The following MRC1 variants were observed in gnomAD, a reference collection of about 807,000 sequenced individuals.
The protein encoded by MRC1 is macrophage mannose receptor 1.
In MRC1, 62 loss-of-function variants were observed where a neutral mutation model predicts 102.9. The observed-to-expected ratio is 0.60, with a 90% CI of 0.49 to 0.74. MRC1 has a LOEUF of 0.74. Ranked by LOEUF, MRC1 falls within the 30% of genes least tolerant of loss-of-function variation. The probability of loss-of-function intolerance (pLI) is 0.00; values close to 1 mark genes in which losing one functional copy is unlikely to be tolerated. For missense variants in MRC1, 1,237 were observed against 862.8 expected (o/e 1.43, Z -5.43); for synonymous variants, 457 against 298.4 (o/e 1.53, Z -5.48).
intron 3 of MRC1, among the ~76,000 whole-genome samples, 183 bp from the exon 4 acceptor site, chr10:17,833,492 G>A (rs1838611549): frequency 7.1e-6 from 1 of 140,696 alleles, no homozygotes; most frequent in East Asian, 2.1e-4. Context: ...CTGCACTCCA[G>A]CCTGGGCAAC....
At chr10:17,813,698 A>AT (rs1296905432) in intron 1 of MRC1, among the ~76,000 whole-genome samples, 22 of 104,458 alleles carry the variant, frequency 2.1e-4, no homozygotes, top group African/African-American at 4.1e-4. Flanking sequence ...ATATATATAT[A>AT]TATTTTTTTT....
intron 16 of MRC1, among the ~76,000 whole-genome samples, chr10:17,874,556 C>T (rs1274394923): frequency 5.3e-5 from 8 of 152,130 alleles, no homozygotes; most frequent in Admixed American, 3.3e-4. Context: ...AACTAGATAC[C>T]TTTGGGAGCT....
intron 12 of MRC1, among the ~76,000 whole-genome samples, chr10:17,868,579 C>T (rs1291495759): frequency 6.6e-6 from 1 of 152,168 alleles, no homozygotes; most frequent in Non-Finnish European, 1.5e-5. Flanking sequence ...TGTTACCTAC[C>T]TACTGCTTAA....
intron 4 of MRC1, among the ~76,000 whole-genome samples, chr10:17,839,864 G>C (rs1838723677): frequency 6.6e-6 from 1 of 151,340 alleles, no homozygotes; most frequent in Non-Finnish European, 1.5e-5. Flanking sequence ...TTTGAGACCA[G>C]CCTGGCCAAC....
intron 3 of MRC1, among the ~76,000 whole-genome samples, chr10:17,830,025 A>G (rs1589167587): frequency 1.3e-5 from 2 of 151,664 alleles, no homozygotes; most frequent in East Asian, 3.8e-4. Flanking sequence ...AATATGCATT[A>G]AAATTTTAAA....
At chr10:17,825,331 C>T (rs1838457257) in intron 2 of MRC1, among the ~76,000 whole-genome samples, 1 of 152,044 alleles carries the variant, frequency 6.6e-6, no homozygotes, top group Non-Finnish European at 1.5e-5. Context: ...AGTTCAGACT[C>T]CAAGAAGAAG....
intron 22 of MRC1, among the ~76,000 whole-genome samples, chr10:17,887,356 A>G (rs908562386): frequency 4.0e-4 from 61 of 152,180 alleles, no homozygotes; most frequent in African/African-American, 1.4e-3. Flanking sequence ...GCGCCACTGC[A>G]CTCCAGCCTG....
rs782616938 is a variant in MRC1 at position 17,827,372 on chromosome 10, C to CAAAAAAAAAAAAAAAAAAAAAAAA, written c.464-155_464-132dup. 6.2e-5 allele frequency among the ~76,000 whole-genome samples: 4 copies of CAAAAAAAAAAAAAAAAAAAAAAAA among 64,052 alleles called. 2 individuals are homozygous for CAAAAAAAAAAAAAAAAAAAAAAAA. The highest frequency in any genetic ancestry group is 1.3e-4 in the Non-Finnish European group (4 of 31,760). 42.0% of individuals were successfully genotyped at this position (64,052 alleles called of 152,430 possible). A position where few individuals can be genotyped will look rare whatever the true frequency, so the allele number is the denominator to read the frequency against. On this transcript the variant is annotated intron_variant, in intron 2 of 29. Coordinates refer to ENST00000569591, the MANE Select transcript of MRC1 (RefSeq NM_002438.4). ...TAGAAGGAGAAGGAAAAAAAATACC[C>CAAAAAAAAAAAAAAAAAAAAAAAA]AAAAAAAAAAAAAAAAAAAAAAAAA...
At position 17,909,233 on chromosome 10, in the gene MRC1, T is replaced by A. The variant is rs1428212694; in HGVS notation, c.4079-73T>A. The A allele has an allele frequency of 2.3e-5, 18 of 768,590 alleles. No individual in the cohort carries two copies. The East Asian group carries it at 4.4e-4, about 19-fold the overall frequency. The allele number at this position is 768,590 out of a possible 1,614,324, so 47.6% of individuals were successfully genotyped here. A position where few individuals can be genotyped will look rare whatever the true frequency, so the allele number is the denominator to read the frequency against. On this transcript the variant is annotated intron_variant, in intron 28 of 29. Transcript: ENST00000569591. Reference sequence around the variant, plus strand: ...AAATGTGGAGGATTCCATGTATTTGTGAGCCAAATAATATTTGCTATCTAC... The same window carrying A: ...AAATGTGGAGGATTCCATGTATTTGAGAGCCAAATAATATTTGCTATCTAC...
chr10:17,849,561 C>CT lies in MRC1; in HGVS notation c.1064-18_1064-17insT, dbSNP rs1838880444. ...AAATCTTTTAAAATTTTTTTCCGAC[C>CT]CCCCTTTTTGTTTCTAGAAAGTGAT... On this transcript the variant is annotated splice_polypyrimidine_tract_variant and intron_variant, in intron 6 of 29. Transcript: ENST00000569591. The CT allele has an allele frequency of 1.3e-6, 1 of 774,144 alleles. No individual in the cohort carries two copies. The highest frequency in any genetic ancestry group is 1.4e-5 in the South Asian group (1 of 72,716). 48.0% of individuals were successfully genotyped at this position (774,144 alleles called of 1,614,324 possible).
In MRC1 at chr10:17,875,206, C is replaced by G; in HGVS notation, c.2503C>G (p.Leu835Val). 2.6e-6 allele frequency: 2 copies of G among 780,800 alleles called. No homozygotes were observed. Among genetic ancestry groups the G allele is most frequent in the Non-Finnish European group, 4.8e-6 (2 of 417,936 alleles). The allele number at this position is 780,800 out of a possible 1,614,324, so 48.4% of individuals were successfully genotyped here. The change falls in exon 17 of 30, where the codon CTT becomes GTT. Residue 835 changes from leucine to valine, a missense_variant. Coordinates refer to ENST00000569591, the MANE Select transcript of MRC1 (RefSeq NM_002438.4). ...RAFCKRNFGD[L>V]VSIQSESEKK... ...GTTTTGCAAGAGGAATTTTGGTGATCTTGTTTCTATTCAAAGTGAAAGTGA... is the reference window on the plus strand; with the variant it reads ...GTTTTGCAAGAGGAATTTTGGTGATGTTGTTTCTATTCAAAGTGAAAGTGA...
chr10:17,828,223 C>T (rs1047170970), intron 3 of MRC1, among the ~76,000 whole-genome samples: 3 of 152,086 alleles, frequency 2.0e-5, no homozygotes, highest in Non-Finnish European at 2.9e-5. Context: ...ACTACAGGCG[C>T]CCGCCACCAC....
chr10:17,905,046 T>C (rs1305992767), intron 26 of MRC1, among the ~76,000 whole-genome samples: 7 of 152,158 alleles, frequency 4.6e-5, no homozygotes, highest in Non-Finnish European at 1.0e-4. Flanking sequence ...CTGAATCAGG[T>C]CAAATAAAGA....
intron 23 of MRC1, 111 bp from the exon 24 acceptor site, chr10:17,897,923 G>A: frequency 2.6e-6 from 2 of 766,202 alleles, no homozygotes; most frequent in Non-Finnish European, 4.9e-6. Context: ...TGAATGTTTG[G>A]AGTTATGCTA....
chr10:17,894,355 T>A, intron 23 of MRC1, 43 bp downstream of exon 23: 1 of 849,226 alleles, frequency 1.2e-6, no homozygotes, highest in Non-Finnish European at 2.1e-6. Flanking sequence ...AGCTGGGGTT[T>A]TTTTTTCCCC....
intron 1 of MRC1, among the ~76,000 whole-genome samples, chr10:17,816,971 G>T (rs1554837938): frequency 6.6e-6 from 1 of 152,150 alleles, no homozygotes; most frequent in African/African-American, 2.4e-5. Context: ...ATCCAGGCCA[G>T]GCGCGGTGGC....
At chr10:17,849,332 G>A (rs540971086) in intron 6 of MRC1, among the ~76,000 whole-genome samples, 29,538 of 149,116 alleles carry the variant, frequency 0.2, 3,356 homozygotes, top group Non-Finnish European at 0.25. Flanking sequence ...AAGAAAGAAA[G>A]TTGATAAGGT....
chr10:17,892,232 A>T (rs1833689411), intron 22 of MRC1, among the ~76,000 whole-genome samples: 1 of 152,178 alleles, frequency 6.6e-6, no homozygotes, highest in Non-Finnish European at 1.5e-5. Context: ...AGAATCTGGT[A>T]GGACTCATGG....
At chr10:17,821,686 G>A (rs1341941308) in intron 1 of MRC1, among the ~76,000 whole-genome samples, 7 of 152,152 alleles carry the variant, frequency 4.6e-5, no homozygotes, top group African/African-American at 1.7e-4. Flanking sequence ...ATCTCAGAGT[G>A]TAAGTGGTGC....
Sources: gnomAD v4.1 joint callset for allele counts (sites outside exome capture counted in the v4.1 genomes callset) on GRCh38, gnomAD v4.1.1 for gene constraint, MANE v1.5 for transcripts, NCBI Gene and HGNC (gene_info 2026-07-23, HGNC 2026-07-21) for gene names.